RIMS1: variants seen among roughly 807,000 people sequenced by gnomAD.
RIMS1 encodes regulating synaptic membrane exocytosis 1, also known as regulating synaptic membrane exocytosis protein 1.
A neutral mutation model predicts 214.1 loss-of-function variants in RIMS1; 83 were observed. That is an observed-to-expected ratio of 0.39 (90% confidence interval 0.32 to 0.47). The LOEUF (loss-of-function observed/expected upper bound fraction) is 0.47, where lower values mean the gene tolerates loss of function less well. Ranked by LOEUF, RIMS1 falls within the 20% of genes least tolerant of loss-of-function variation. The probability of loss-of-function intolerance (pLI) is 0.99; values close to 1 mark genes in which losing one functional copy is unlikely to be tolerated. For missense variants in RIMS1, 2,050 were observed against 2,161.8 expected, an observed-to-expected ratio of 0.95 and a Z score of 1.03; for synonymous variants, 793 against 786.8, an observed-to-expected ratio of 1.01 and a Z score of -0.13.
chr6:72,342,519 G>C (rs1034055258), intron 29 of RIMS1, among the ~76,000 whole-genome samples: 2 of 151,668 alleles, frequency 1.3e-5, no homozygotes, highest in Admixed American at 1.3e-4. Flanking sequence ...GCATTAGGAA[G>C]GAAAGAGATC....
intron 4 of RIMS1, among the ~76,000 whole-genome samples, chr6:72,148,922 C>T (rs1299775586): frequency 6.6e-6 from 1 of 151,904 alleles, no homozygotes; most frequent in Non-Finnish European, 1.5e-5. Flanking sequence ...GGAACCAGGG[C>T]CTCCTCAAAT....
intron 1 of RIMS1, among the ~76,000 whole-genome samples, chr6:71,943,315 C>T (rs572410708): frequency 2.6e-5 from 4 of 152,220 alleles, no homozygotes; most frequent in Non-Finnish European, 5.9e-5. Flanking sequence ...CCTTTGGGAA[C>T]AATTTGTTGA....
intron 2 of RIMS1, among the ~76,000 whole-genome samples, chr6:72,060,603 C>T (rs1349850165): frequency 6.6e-6 from 1 of 152,158 alleles, no homozygotes; most frequent in Non-Finnish European, 1.5e-5. Flanking sequence ...CTTTCTTATG[C>T]ATTTTCTTCT....
At chr6:72,253,519 T>A (rs1444282534) in intron 16 of RIMS1, among the ~76,000 whole-genome samples, 1 of 152,166 alleles carries the variant, frequency 6.6e-6, no homozygotes, top group Non-Finnish European at 1.5e-5. Context: ...TGGCACTAAT[T>A]CTATACTTTT....
At chr6:72,280,756 G>A (rs369555066) in intron 23 of RIMS1, among the ~76,000 whole-genome samples, 3 of 152,080 alleles carry the variant, frequency 2.0e-5, no homozygotes, top group East Asian at 3.9e-4. Context: ...ATAGAGCACT[G>A]GCTCTAAGTT....
At chr6:72,375,492 A>G (rs2098348103) in intron 29 of RIMS1, among the ~76,000 whole-genome samples, 2 of 152,178 alleles carry the variant, frequency 1.3e-5, no homozygotes, top group Non-Finnish European at 2.9e-5. Flanking sequence ...AATTACACTG[A>G]TGAACTAACT....
At chr6:72,381,204 G>A (rs1222231254) in intron 29 of RIMS1, among the ~76,000 whole-genome samples, 12 of 152,068 alleles carry the variant, frequency 7.9e-5, no homozygotes, top group African/African-American at 2.4e-4. Context: ...CTCTTGTGCC[G>A]GTGGCCCCTG....
chr6:72,339,042 TC>T (rs2096948959), intron 29 of RIMS1, among the ~76,000 whole-genome samples: 1 of 151,810 alleles, frequency 6.6e-6, no homozygotes, highest in Non-Finnish European at 1.5e-5. Context: ...CTCAAGGATA[TC>T]ACAGTATCAT....
Position 72,007,839 on chromosome 6 carries a change from A to T in RIMS1, c.245+38776A>T, listed in dbSNP as rs561470007. The stretch of plus-strand genomic sequence containing the variant: ...GGGACTATGTGAAAAGACCAAATCT[A>T]TGTCTGATTGGTGTACCTGAAAGTG... On this transcript the variant is annotated intron_variant, in intron 2 of 33. Transcript: ENST00000521978. Among the ~76,000 whole-genome samples the T allele has an allele frequency of 1.5e-4, 23 of 152,340 alleles. 1 individual carries two copies. In the South Asian group the frequency reaches 2.3e-3, roughly 15 times the overall value.
intron 22 of RIMS1, among the ~76,000 whole-genome samples, chr6:72,268,844 T>C (rs1214807367): frequency 6.6e-6 from 1 of 152,180 alleles, no homozygotes; most frequent in Admixed American, 6.5e-5. Flanking sequence ...CAGTTATGCT[T>C]CTTAAATCAA....
chr6:71,889,629 A>G (rs1768979667), intron 1 of RIMS1, among the ~76,000 whole-genome samples: 1 of 152,090 alleles, frequency 6.6e-6, no homozygotes, highest in Admixed American at 6.5e-5. Context: ...ATTGTCTGCA[A>G]TTAGTGGAAA....
intron 2 of RIMS1, among the ~76,000 whole-genome samples, chr6:71,991,278 T>A (rs931912947): frequency 5.3e-5 from 8 of 152,216 alleles, no homozygotes; most frequent in African/African-American, 1.2e-4. Flanking sequence ...AAAAAAACTT[T>A]AGTTTTTTAA....
intron 23 of RIMS1, among the ~76,000 whole-genome samples, chr6:72,282,580 G>T (rs1430759235): frequency 7.2e-5 from 11 of 151,982 alleles, no homozygotes; most frequent in Non-Finnish European, 1.3e-4. Flanking sequence ...TCTCTTTGCT[G>T]TATAGTATAG....
intron 6 of RIMS1, among the ~76,000 whole-genome samples, chr6:72,200,076 C>T (rs770165267): frequency 1.2e-4 from 18 of 151,940 alleles, no homozygotes; most frequent in Non-Finnish European, 2.4e-4. Flanking sequence ...AAAATTCTAT[C>T]TAATATTTCT....
intron 29 of RIMS1, among the ~76,000 whole-genome samples, chr6:72,339,437 C>T (rs2096965332): frequency 1.3e-5 from 2 of 151,852 alleles, no homozygotes; most frequent in Admixed American, 1.3e-4. Flanking sequence ...TCCCCTATCC[C>T]CCCACCCCAC....
At chr6:72,000,223 A>G (rs1260517484) in intron 2 of RIMS1, among the ~76,000 whole-genome samples, 1 of 152,132 alleles carries the variant, frequency 6.6e-6, no homozygotes, top group Non-Finnish European at 1.5e-5. Context: ...GGAAAAACAT[A>G]TCCTGATTCA....
chr6:72,304,570 AAAT>A (rs889418167), intron 26 of RIMS1, among the ~76,000 whole-genome samples: 2 of 151,906 alleles, frequency 1.3e-5, no homozygotes, highest in African/African-American at 4.8e-5. Context: ...TGCAATACAG[AAAT>A]AATGTCATTT....
At chr6:72,229,460 G>A (rs537574750) in intron 6 of RIMS1, among the ~76,000 whole-genome samples, 40 of 151,732 alleles carry the variant, frequency 2.6e-4, no homozygotes, top group African/African-American at 7.7e-4. Flanking sequence ...GTATGTCTTC[G>A]CATTTTATTG....
chr6:71,894,796 A>T (rs1007823165), intron 1 of RIMS1, among the ~76,000 whole-genome samples: 1 of 152,220 alleles, frequency 6.6e-6, no homozygotes, highest in African/African-American at 2.4e-5. Context: ...ATAGTAAAAT[A>T]AGGTAATGTT....
Sources: allele counts gnomAD v4.1 joint callset (sites outside exome capture counted in the v4.1 genomes callset), GRCh38; gene constraint gnomAD v4.1.1; transcripts MANE v1.5; gene names NCBI Gene and HGNC (gene_info 2026-07-23, HGNC 2026-07-21).